Variants in QTGAL observed in about 807,000 individuals in gnomAD.
QTGAL encodes queuosine-tRNA galactosyltransferase.
At chr17:82,985,610 A>G in the QTGAL span, among the ~76,000 whole-genome samples, 125,790 of 152,134 alleles carry the variant, frequency 0.83, 52,477 homozygotes, top group African/African-American at 0.95. Flanking sequence ...CCTGCTACCC[A>G]AGAATCAAAA....
At chr17:83,009,206 G>A in the QTGAL span, among the ~76,000 whole-genome samples, 1,756 of 152,080 alleles carry the variant, frequency 0.012, 12 homozygotes, top group South Asian at 0.049. Flanking sequence ...GGTGGATCAC[G>A]AGGTCAGGAG....
chr17:82,964,705 C>T, the QTGAL span, among the ~76,000 whole-genome samples: 4 of 133,102 alleles, frequency 3.0e-5, no homozygotes, highest in African/African-American at 1.2e-4. Flanking sequence ...CCTGCAGGTG[C>T]ACCCCCACGG....
chr17:82,990,056 T>C, the QTGAL span, among the ~76,000 whole-genome samples: 1 of 152,246 alleles, frequency 6.6e-6, no homozygotes, highest in African/African-American at 2.4e-5. Context: ...ACTGCTCTTT[T>C]TGAAACTCCT....
the QTGAL span, among the ~76,000 whole-genome samples, chr17:83,048,095 C>T: frequency 2.0e-5 from 3 of 152,090 alleles, no homozygotes; most frequent in African/African-American, 2.4e-5. Flanking sequence ...GGCACGATCT[C>T]GGTTCACTGC....
At chr17:82,943,706 A>G in the QTGAL span, 2 of 152,374 alleles carry the variant, frequency 1.3e-5, no homozygotes, top group African/African-American at 4.8e-5. Context: ...CTGGCCACAC[A>G]GGAGTGTGGG....
the QTGAL span, among the ~76,000 whole-genome samples, chr17:82,953,622 A>G: frequency 6.6e-6 from 1 of 152,204 alleles, no homozygotes; most frequent in African/African-American, 2.4e-5. Flanking sequence ...TGAAACTTCC[A>G]AACAATAGAA....
At chr17:82,984,580 G>A in the QTGAL span, among the ~76,000 whole-genome samples, 1 of 151,904 alleles carries the variant, frequency 6.6e-6, no homozygotes, top group African/African-American at 2.4e-5. Context: ...CACAGGGAGA[G>A]GCTACAGGGT....
chr17:83,006,874 AAC>A, the QTGAL span: 1 of 934,936 alleles, frequency 1.1e-6, no homozygotes, highest in African/African-American at 1.8e-5. The surrounding 1 kb of genome is among the most constrained non-coding windows in gnomAD (Gnocchi z 5.8). Context: ...CGGGTCACAG[AAC>A]AGTTACATGT....
the QTGAL span, chr17:82,942,942 G>C: frequency 2.2e-4 from 43 of 197,946 alleles, no homozygotes; most frequent in African/African-American, 7.8e-4. Flanking sequence ...GAGAAGCCCT[G>C]GTGGCAGGCA....
chr17:82,977,888 A>G, the QTGAL span, among the ~76,000 whole-genome samples: 2 of 152,106 alleles, frequency 1.3e-5, no homozygotes. Context: ...CTGTCTTCTC[A>G]TCACCGGGGT....
At chr17:83,011,268 G>A in the QTGAL span, among the ~76,000 whole-genome samples, 1 of 152,238 alleles carries the variant, frequency 6.6e-6, no homozygotes, top group African/African-American at 2.4e-5. Flanking sequence ...CGGGTTCCCT[G>A]TTCTTGCTAA....
the QTGAL span, among the ~76,000 whole-genome samples, chr17:82,950,749 T>G: frequency 1.3e-5 from 2 of 152,192 alleles, no homozygotes; most frequent in African/African-American, 4.8e-5. Flanking sequence ...TACATCAGCC[T>G]CAGAGCTCCT....
chr17:83,006,162 G>A, the QTGAL span: 4 of 986,616 alleles, frequency 4.1e-6, no homozygotes, highest in Non-Finnish European at 4.8e-6. This position sits in a 1 kb window ranked among gnomAD's most constrained non-coding sequence, Gnocchi z 5.8. Flanking sequence ...GACCAACAAG[G>A]AGACAATAGT....
chr17:83,001,995 C>G, the QTGAL span, among the ~76,000 whole-genome samples: 6 of 151,520 alleles, frequency 4.0e-5, no homozygotes, highest in Non-Finnish European at 7.4e-5. Context: ...TCCCCAGGCT[C>G]AAGTGATCCT....
chr17:82,969,657 G>A, the QTGAL span, among the ~76,000 whole-genome samples: 1 of 152,162 alleles, frequency 6.6e-6, no homozygotes, highest in Non-Finnish European at 1.5e-5. Flanking sequence ...CTGCACACCA[G>A]CCTGGGCAAC....
chr17:82,946,569 A>AGTGCGTGTGTGTGTGTGTGTGTGT, the QTGAL span, among the ~76,000 whole-genome samples: 48 of 150,308 alleles, frequency 3.2e-4, no homozygotes, highest in African/African-American at 1.1e-3. Flanking sequence ...ACAGAACCCA[A>AGTGCGTGTGTGTGTGTGTGTGTGT]GTGTGTGTGT....
At chr17:82,944,092 G>GAACTT in the QTGAL span, 1 of 152,252 alleles carries the variant, frequency 6.6e-6, no homozygotes, top group African/African-American at 2.4e-5. Context: ...AAAACATGAT[G>GAACTT]AACTGTTCTT....
At chr17:82,951,811 G>A in the QTGAL span, among the ~76,000 whole-genome samples, 2 of 151,866 alleles carry the variant, frequency 1.3e-5, no homozygotes, top group South Asian at 2.1e-4. Context: ...GGTGGGGTGG[G>A]GGGGAGCGGG....
chr17:83,035,447 A>T, the QTGAL span, among the ~76,000 whole-genome samples: 1 of 152,086 alleles, frequency 6.6e-6, no homozygotes, highest in Non-Finnish European at 1.5e-5. Context: ...GGGATTACAG[A>T]TGTGAGCCAC....
Sources: gnomAD v4.1 joint callset for allele counts (sites outside exome capture counted in the v4.1 genomes callset) on GRCh38, gnomAD v4.1.1 for gene constraint, Gnocchi (gnomAD v3.1) non-coding constraint, MANE v1.5 for transcripts, NCBI Gene and HGNC (gene_info 2026-07-23, HGNC 2026-07-21) for gene names.